Variants in DCHS2 observed in about 807,000 individuals in gnomAD.
The protein encoded by DCHS2 is protocadherin-23.
In DCHS2, 142 loss-of-function variants were observed where a neutral mutation model predicts 182.4. That is an observed-to-expected ratio of 0.78 (90% CI 0.68 to 0.89). DCHS2 has a LOEUF of 0.89. DCHS2 is among the 40% of genes least tolerant of loss of function. The pLI, the probability that DCHS2 is intolerant of heterozygous loss-of-function variation, is 0.00. For missense variants in DCHS2, 4,319 were observed against 4,198.6 expected (o/e 1.03, Z -0.79); for synonymous variants, 1,740 against 1,663.3 (o/e 1.05, Z -1.12).
chr4:154,399,488 A>G (rs1008088225), intron 1 of DCHS2, among the ~76,000 whole-genome samples: 21 of 152,230 alleles, frequency 1.4e-4, no homozygotes, highest in African/African-American at 5.1e-4. Flanking sequence ...GTGATTCAGA[A>G]CTACAGAACT....
intron 1 of DCHS2, among the ~76,000 whole-genome samples, chr4:154,442,527 A>ACC (rs781744254): frequency 5.9e-5 from 3 of 50,464 alleles, no homozygotes; most frequent in Non-Finnish European, 7.4e-5. Context: ...TGAAAAGTGG[A>ACC]CACCCCCCCC....
intron 1 of DCHS2, among the ~76,000 whole-genome samples, chr4:154,399,019 C>T (rs1315898518): frequency 6.6e-6 from 1 of 152,158 alleles, no homozygotes; most frequent in Non-Finnish European, 1.5e-5. Context: ...TCAGCACGAG[C>T]CCTCCGTGTC....
chr4:154,421,011 G>T (rs985498533), intron 1 of DCHS2, among the ~76,000 whole-genome samples: 25 of 151,360 alleles, frequency 1.7e-4, no homozygotes, highest in African/African-American at 5.8e-4. Flanking sequence ...ACCATCATTG[G>T]AAAAAAAAGG....
At chr4:154,281,079 G>A (rs183529987) in intron 13 of DCHS2, among the ~76,000 whole-genome samples, 2 of 151,836 alleles carry the variant, frequency 1.3e-5, no homozygotes, top group Non-Finnish European at 2.9e-5. Context: ...TGCCCACCTC[G>A]ACCTCCCAAA....
rs1206621058 is a variant in DCHS2 at position 154,232,840 on chromosome 4, A to AT, written c.*1695dup. On this transcript the variant is annotated 3_prime_UTR_variant, in exon 20 of 20. Coordinates refer to ENST00000357232, the MANE Select transcript of DCHS2 (RefSeq NM_001358235.2). ...TATTTAAATTTTCTACTCCTAAAGGATTTTTCCTAGGATTTCAGGCTTATT... is the reference window on the plus strand; with the variant it reads ...TATTTAAATTTTCTACTCCTAAAGGATTTTTTCCTAGGATTTCAGGCTTATT... 2.0e-5 allele frequency: 3 copies of AT among 151,982 alleles called. No homozygotes were observed. The highest frequency in any genetic ancestry group is 2.1e-4 in the South Asian group (1 of 4,818). The allele number at this position is 151,982 out of a possible 1,614,324, so 9.4% of individuals were successfully genotyped here. A position where few individuals can be genotyped will look rare whatever the true frequency, so the allele number is the denominator to read the frequency against.
intron 1 of DCHS2, among the ~76,000 whole-genome samples, chr4:154,426,896 T>C (rs1240467968): frequency 6.6e-6 from 1 of 152,208 alleles, no homozygotes; most frequent in African/African-American, 2.4e-5. Flanking sequence ...GTGATTATTA[T>C]ACATTGTATG....
intron 1 of DCHS2, among the ~76,000 whole-genome samples, chr4:154,406,031 T>C (rs1732386104): frequency 6.6e-6 from 1 of 152,264 alleles, no homozygotes; most frequent in Admixed American, 6.5e-5. Flanking sequence ...GCCCAAGTTG[T>C]ACAGCGAATC....
chr4:154,240,421 A>G, intron 18 of DCHS2, 116 bp downstream of exon 18: 2 of 1,269,094 alleles, frequency 1.6e-6, no homozygotes, highest in Non-Finnish European at 2.2e-6. Flanking sequence ...TAACTTAGGC[A>G]CTACAAACAG....
Position 154,315,717 on chromosome 4 carries a change from T to G in DCHS2, c.5260+31A>C, listed in dbSNP as rs1218602190. On this transcript the variant is annotated intron_variant, in intron 10 of 19. Coordinates refer to ENST00000357232, the MANE Select transcript of DCHS2 (RefSeq NM_001358235.2). The stretch of plus-strand genomic sequence containing the variant: ...ATAATCTTCAATTTCTTTTAAGCAT[T>G]AAATACCCAGTTTCTGTATTTCTAA... 1.9e-6 allele frequency: 3 copies of G among 1,602,830 alleles called. No individual in the cohort carries two copies. In the Admixed American group the frequency reaches 5.1e-5, roughly 27 times the overall value.
intron 3 of DCHS2, among the ~76,000 whole-genome samples, chr4:154,340,550 A>T (rs1288831657): frequency 1.3e-5 from 2 of 152,168 alleles, no homozygotes; most frequent in Non-Finnish European, 2.9e-5. Flanking sequence ...GTTTAATAAT[A>T]GTTTTTGAGG....
intron 1 of DCHS2, among the ~76,000 whole-genome samples, chr4:154,476,578 T>C (rs1735692562): frequency 6.6e-6 from 1 of 152,240 alleles, no homozygotes; most frequent in Non-Finnish European, 1.5e-5. Context: ...AACACTCTTT[T>C]ATGTGGCTAC....
chr4:154,290,258 G>A (rs1237422813), intron 13 of DCHS2, among the ~76,000 whole-genome samples: 1 of 151,884 alleles, frequency 6.6e-6, no homozygotes, highest in African/African-American at 2.4e-5. Context: ...CTTCTGCAAT[G>A]AAAAGTATAA....
intron 13 of DCHS2, among the ~76,000 whole-genome samples, chr4:154,290,972 A>C (rs1212843138): frequency 6.6e-6 from 1 of 152,140 alleles, no homozygotes; most frequent in Non-Finnish European, 1.5e-5. Context: ...TCTGCATTGC[A>C]AAGGAAAGAA....
chr4:154,396,844 G>A (rs1272412861), intron 1 of DCHS2, among the ~76,000 whole-genome samples: 2 of 152,290 alleles, frequency 1.3e-5, no homozygotes, highest in African/African-American at 4.8e-5. Context: ...GATGCCCGCA[G>A]CTGAGGTAAT....
chr4:154,354,754 T>C (rs1178996048), intron 3 of DCHS2: 1 of 152,130 alleles, frequency 6.6e-6, no homozygotes, highest in Non-Finnish European at 1.5e-5. Context: ...CAGAATCCAC[T>C]CCACTCAATG....
intron 1 of DCHS2, among the ~76,000 whole-genome samples, chr4:154,488,706 C>T (rs1174290102): frequency 6.6e-6 from 1 of 152,024 alleles, no homozygotes; most frequent in African/African-American, 2.4e-5. Context: ...AGTTCGAGAC[C>T]AGCCTGGCAA....
At chr4:154,441,827 C>A (rs1220808835) in intron 1 of DCHS2, among the ~76,000 whole-genome samples, 1 of 151,810 alleles carries the variant, frequency 6.6e-6, no homozygotes, top group Non-Finnish European at 1.5e-5. Flanking sequence ...ACACATATGA[C>A]CAATAAGCTC....
chr4:154,472,508 A>T (rs913123260), intron 1 of DCHS2, among the ~76,000 whole-genome samples: 7 of 152,320 alleles, frequency 4.6e-5, no homozygotes, highest in African/African-American at 1.7e-4. Flanking sequence ...TTGTCAACAT[A>T]TTAGAAAGTC....
At chr4:154,398,309 A>C (rs1732018244) in intron 1 of DCHS2, among the ~76,000 whole-genome samples, 1 of 152,226 alleles carries the variant, frequency 6.6e-6, no homozygotes, top group Non-Finnish European at 1.5e-5. Flanking sequence ...AACTTTATCA[A>C]AGTTAATTAG....
Sources: gnomAD v4.1 joint callset for allele counts (sites outside exome capture counted in the v4.1 genomes callset) on GRCh38, gnomAD v4.1.1 for gene constraint, MANE v1.5 for transcripts, NCBI Gene and HGNC (gene_info 2026-07-23, HGNC 2026-07-21) for gene names.